The following OXNAD1 variants were observed in gnomAD, a reference collection of about 807,000 sequenced individuals.
The protein encoded by OXNAD1 is oxidoreductase NAD-binding domain-containing protein 1.
OXNAD1 carries 34 observed loss-of-function variants against 32.9 expected under a neutral mutation model. The ratio of observed to expected loss-of-function variants is 1.03; its 90% CI spans 0.79 to 1.38. The LOEUF (loss-of-function observed/expected upper bound fraction) is 1.38, where lower values mean the gene tolerates loss of function less well. Among genes scored for constraint, OXNAD1 ranks in the 40% most tolerant of loss-of-function variants. The pLI is 0.00. For synonymous variants in OXNAD1, 134 were observed against 135.2 expected, an observed-to-expected ratio of 0.99 and a Z score of 0.06; for missense variants, 407 against 379.4, an observed-to-expected ratio of 1.07 and a Z score of -0.60.
Position 16,322,554 on chromosome 3 carries a change from T to G in OXNAD1, c.*31-14558T>G, listed in dbSNP as rs941806162. On this transcript the variant is annotated intron_variant, in intron 9 of 9. Coordinates refer to the OXNAD1 transcript ENST00000435829. This position sits in a 1 kb window ranked among gnomAD's most constrained non-coding sequence, Gnocchi z 6.2. ...ATCCAGGTGATGCCTGACTCAGGCT[T>G]TGGTGTGTCCACTCGACTCACTGGC... Among the ~76,000 whole-genome samples, 3 of 152,156 alleles carry G rather than the reference T, an allele frequency of 2.0e-5. No individual in the cohort carries two copies. The highest frequency in any genetic ancestry group is 7.2e-5 in the African/African-American group (3 of 41,440).
In OXNAD1 at chr3:16,297,309, C is replaced by G. The variant is rs1306308813; in HGVS notation, c.432+2312C>G. Among the ~76,000 whole-genome samples the G allele has an allele frequency of 6.6e-6, 1 of 152,102 alleles. No individual in the cohort carries two copies. Among genetic ancestry groups the G allele is most frequent in the Non-Finnish European group, 1.5e-5 (1 of 68,016 alleles). Reference sequence around the variant, plus strand: ...TGGTGGGATGCCACTACGATCTAGTCTAATGTCTAAAATTAAAAATATTGA... The same window carrying G: ...TGGTGGGATGCCACTACGATCTAGTGTAATGTCTAAAATTAAAAATATTGA... On this transcript the variant is annotated intron_variant, in intron 6 of 8. Transcript: ENST00000285083. This position sits in a 1 kb window ranked among gnomAD's most constrained non-coding sequence, Gnocchi z 4.3.
chr3:16,316,607 T>C lies in OXNAD1; in HGVS notation c.*30+13015T>C. 1 of 633,502 alleles carries C rather than the reference T, an allele frequency of 1.6e-6. No individual in the cohort carries two copies. Among genetic ancestry groups the C allele is most frequent in the Non-Finnish European group, 2.8e-6 (1 of 357,146 alleles). The allele number at this position is 633,502 out of a possible 1,614,324, so 39.2% of individuals were successfully genotyped here. A position where few individuals can be genotyped will look rare whatever the true frequency, so the allele number is the denominator to read the frequency against. ...TAGAATAACCTGACCTCTTGCATTC[T>C]AACACTGGGTCATTAATGACACCTT... On this transcript the variant is annotated intron_variant, in intron 9 of 9. Coordinates refer to the OXNAD1 transcript ENST00000435829. This position sits in a 1 kb window ranked among gnomAD's most constrained non-coding sequence, Gnocchi z 4.5.
intron 4 of OXNAD1, among the ~76,000 whole-genome samples, chr3:16,273,497 G>A (rs1420556255): frequency 6.7e-6 from 1 of 149,796 alleles, no homozygotes; most frequent in African/African-American, 2.5e-5. Context: ...AAGCTCGACT[G>A]ATCCTCCTGC....
intron 1 of OXNAD1, among the ~76,000 whole-genome samples, chr3:16,266,709 A>G (rs920291594): frequency 2.6e-5 from 4 of 152,100 alleles, no homozygotes; most frequent in Non-Finnish European, 4.4e-5. Flanking sequence ...TTTATTGGCA[A>G]TACCAAACCT....
At chr3:16,308,233 A>AT (rs1253151954), downstream of OXNAD1, among the ~76,000 whole-genome samples, 1 of 152,154 alleles carries the variant, frequency 6.6e-6, no homozygotes, top group Non-Finnish European at 1.5e-5. The surrounding 1 kb of genome is among the most constrained non-coding windows in gnomAD (Gnocchi z 4.4). Flanking sequence ...GGGGCAACAT[A>AT]TTTTTTTGCA....
intron 5 of OXNAD1, among the ~76,000 whole-genome samples, chr3:16,292,384 G>A (rs1408152629): frequency 6.6e-6 from 1 of 151,836 alleles, no homozygotes; most frequent in Non-Finnish European, 1.5e-5. Context: ...GTAGATACGG[G>A]GTTTTACCAT....
chr3:16,335,443 C>T lies in OXNAD1; in HGVS notation c.*31-1669C>T, dbSNP rs1245946663. ...AATGCTATGCAGCCTTAAAAAGGAA[C>T]GAATCACGTCCTTTGTGGGGACATG... On this transcript the variant is annotated intron_variant, in intron 9 of 9. Transcript: ENST00000435829. This position sits in a 1 kb window ranked among gnomAD's most constrained non-coding sequence, Gnocchi z 4.7. Among the ~76,000 whole-genome samples, 6 of 152,206 alleles carry T rather than the reference C, an allele frequency of 3.9e-5. No individual in the cohort carries two copies. The highest frequency in any genetic ancestry group is 7.3e-5 in the Non-Finnish European group (5 of 68,036).
At chr3:16,295,089 T>C in intron 6 of OXNAD1, 92 bp downstream of exon 6, 6 of 1,413,652 alleles carry the variant, frequency 4.2e-6, no homozygotes, top group Non-Finnish European at 5.6e-6. Flanking sequence ...CTAAGAAACC[T>C]GGGCTTGAGT....
downstream of OXNAD1, among the ~76,000 whole-genome samples, chr3:16,310,438 A>G (rs1419781056): frequency 3.9e-5 from 6 of 152,270 alleles, no homozygotes; most frequent in Admixed American, 2.0e-4. Context: ...AAGCCTTTAT[A>G]TTATTTAGAG....
At chr3:16,269,912 G>A (rs1195330853) in intron 2 of OXNAD1, among the ~76,000 whole-genome samples, 1 of 152,176 alleles carries the variant, frequency 6.6e-6, no homozygotes, top group Non-Finnish European at 1.5e-5. Context: ...GGCCATTTTA[G>A]ACAAAGAAAT....
rs1291377520 is a variant in OXNAD1, at chr3:16,302,630, G to A, written c.676-10G>A. 6.3e-7 allele frequency: 1 copy of A among 1,584,922 alleles called. No individual in the cohort carries two copies. The highest frequency in any genetic ancestry group is 8.6e-7 in the Non-Finnish European group (1 of 1,156,100). On this transcript the variant is annotated splice_polypyrimidine_tract_variant and intron_variant, in intron 7 of 8. Coordinates refer to ENST00000285083, the MANE Select transcript of OXNAD1 (RefSeq NM_138381.5). The surrounding 1 kb of genome is among the most constrained non-coding windows in gnomAD (Gnocchi z 4.2). ...AATTGTAGTGTGACCAAATATGTTT[G>A]ACATTCCAGAAAAATATCCTTGATT...
rs2067024180 is a variant in OXNAD1, at chr3:16,299,454, T to G, written c.433-2172T>G. Among the ~76,000 whole-genome samples, 1 of 152,230 alleles carries G rather than the reference T, an allele frequency of 6.6e-6. No individual in the cohort carries two copies. The highest frequency in any genetic ancestry group is 2.4e-5 in the African/African-American group (1 of 41,466). On this transcript the variant is annotated intron_variant, in intron 6 of 8. Coordinates refer to ENST00000285083, the MANE Select transcript of OXNAD1 (RefSeq NM_138381.5). This position sits in a 1 kb window ranked among gnomAD's most constrained non-coding sequence, Gnocchi z 4.4. ...GAAAACCCACTTATCACCATTCATGTAAAAATCTCCCACATATTTAAAATA... is the reference window on the plus strand; with the variant it reads ...GAAAACCCACTTATCACCATTCATGGAAAAATCTCCCACATATTTAAAATA...
In OXNAD1 at chr3:16,320,539, C is replaced by G. The variant is rs2068932228; in HGVS notation, c.*31-16573C>G. Among the ~76,000 whole-genome samples the G allele has an allele frequency of 6.6e-6, 1 of 152,148 alleles. No homozygotes were observed. The highest frequency in any genetic ancestry group is 1.5e-5 in the Non-Finnish European group (1 of 68,022). ...CTTGTGGAGACTATGTCTGACTCTGCCTGGGAAGGATAAAATAATGATCAC... is the reference window on the plus strand; with the variant it reads ...CTTGTGGAGACTATGTCTGACTCTGGCTGGGAAGGATAAAATAATGATCAC... On this transcript the variant is annotated intron_variant, in intron 9 of 9. Transcript: ENST00000435829. The surrounding 1 kb of genome is among the most constrained non-coding windows in gnomAD (Gnocchi z 4.5).
At chr3:16,319,629 T>C (rs2068819262) in intron 9 of OXNAD1, among the ~76,000 whole-genome samples, 1 of 152,216 alleles carries the variant, frequency 6.6e-6, no homozygotes, top group Non-Finnish European at 1.5e-5. Flanking sequence ...ATAACAGAGC[T>C]TCCATAGTTT....
intron 1 of OXNAD1, 22 bp from the exon 2 acceptor site, chr3:16,269,104 T>C (rs1559717341): frequency 2.3e-5 from 33 of 1,451,708 alleles, no homozygotes; most frequent in Non-Finnish European, 2.6e-5. Flanking sequence ...AACATTGTTA[T>C]ATGTTGTTTG....
Position 16,290,427 on chromosome 3 carries a change from G to C in OXNAD1, c.290+3979G>C, listed in dbSNP as rs981521014. On this transcript the variant is annotated intron_variant, in intron 5 of 8. Coordinates refer to ENST00000285083, the MANE Select transcript of OXNAD1 (RefSeq NM_138381.5). This position sits in a 1 kb window ranked among gnomAD's most constrained non-coding sequence, Gnocchi z 4.2. Reference sequence around the variant, plus strand: ...TTTTTTCCAAAGGTAGCTTTCCAGAGTTACTAGAGAAGAGGGTTGGTTCCC... The same window carrying C: ...TTTTTTCCAAAGGTAGCTTTCCAGACTTACTAGAGAAGAGGGTTGGTTCCC... Among the ~76,000 whole-genome samples, 1 of 152,124 alleles carries C rather than the reference G, an allele frequency of 6.6e-6. No individual in the cohort carries two copies. The highest frequency in any genetic ancestry group is 6.5e-5 in the Admixed American group (1 of 15,278).
chr3:16,284,928 A>G lies in OXNAD1; in HGVS notation c.184-1414A>G, dbSNP rs1018173871. Among the ~76,000 whole-genome samples, 1 of 152,240 alleles carries G rather than the reference A, an allele frequency of 6.6e-6. No individual in the cohort carries two copies. The highest frequency in any genetic ancestry group is 1.5e-5 in the Non-Finnish European group (1 of 68,036). ...ATGGCATTAGATGTAATCTTTGATG[A>G]AACAGGAATGTACTAAAGGGAGGAA... On this transcript the variant is annotated intron_variant, in intron 4 of 8. Coordinates refer to ENST00000285083, the MANE Select transcript of OXNAD1 (RefSeq NM_138381.5). This position sits in a 1 kb window ranked among gnomAD's most constrained non-coding sequence, Gnocchi z 4.1.
chr3:16,272,073 GT>G, intron 4 of OXNAD1: 5 of 427,578 alleles, frequency 1.2e-5, no homozygotes, highest in South Asian at 1.8e-5. Flanking sequence ...ACCTTTCTCT[GT>G]TTTTTTGTGT....
intron 4 of OXNAD1, chr3:16,275,753 T>A (rs1205111552): frequency 5.9e-6 from 1 of 169,026 alleles, no homozygotes; most frequent in Non-Finnish European, 1.4e-5. Flanking sequence ...ACTGTTTGAT[T>A]AATTGTGCTA....
Sources: allele counts gnomAD v4.1 joint callset (sites outside exome capture counted in the v4.1 genomes callset), GRCh38; gene constraint gnomAD v4.1.1; non-coding constraint Gnocchi (gnomAD v3.1); transcripts MANE v1.5; gene names NCBI Gene and HGNC (gene_info 2026-07-23, HGNC 2026-07-21).